CORIN: variants seen among roughly 807,000 people sequenced by gnomAD.
CORIN encodes the protein atrial natriuretic peptide-converting enzyme.
In CORIN, 117 loss-of-function variants were observed where a neutral mutation model predicts 125.3. The observed-to-expected ratio is 0.93, with a 90% CI of 0.80 to 1.09. CORIN has a LOEUF of 1.09. Among genes scored for constraint, CORIN ranks in the 50% least tolerant of loss-of-function variants. The probability of loss-of-function intolerance (pLI) is 0.00; values close to 1 mark genes in which losing one functional copy is unlikely to be tolerated. For synonymous variants in CORIN, 450 were observed against 466.4 expected, an observed-to-expected ratio of 0.96 and a Z score of 0.45; for missense variants, 1,253 against 1,306.7, an observed-to-expected ratio of 0.96 and a Z score of 0.63.
intron 15 of CORIN, chr4:47,642,699 G>A: frequency 1.7e-6 from 1 of 584,740 alleles, no homozygotes; most frequent in Middle Eastern, 4.7e-4. Flanking sequence ...GCTGGTAGGA[G>A]ATGTCTTTAA....
intron 1 of CORIN, among the ~76,000 whole-genome samples, chr4:47,822,050 G>T (rs1278939369): frequency 6.7e-6 from 1 of 149,578 alleles, no homozygotes; most frequent in African/African-American, 2.6e-5. Flanking sequence ...ATACTAAATT[G>T]TTCACTACTT....
chr4:47,799,418 G>A (rs1017471855), intron 2 of CORIN, among the ~76,000 whole-genome samples: 1 of 152,008 alleles, frequency 6.6e-6, no homozygotes, highest in Non-Finnish European at 1.5e-5. Context: ...TTTCTCAACA[G>A]CATCTGTTGT....
chr4:47,686,416 GAACT>G (rs1459728930), intron 6 of CORIN, among the ~76,000 whole-genome samples: 1 of 152,024 alleles, frequency 6.6e-6, no homozygotes, highest in Admixed American at 6.6e-5. Context: ...GAAAATATAA[GAACT>G]AAGAAGTCCT....
intron 5 of CORIN, among the ~76,000 whole-genome samples, chr4:47,723,031 C>T (rs944907875): frequency 6.6e-6 from 1 of 152,170 alleles, no homozygotes; most frequent in Non-Finnish European, 1.5e-5. Flanking sequence ...CTTGGTCAGA[C>T]GAATAAGCAG....
rs200418660 is a variant in CORIN, at chr4:47,600,279, T to C, written c.2881A>G (p.Met961Val). ...ATCATCCGAGTGGTGATGGTCTTCA[T>C]GTCAAAGTAGGACTGACAATGTTCC... ...SLEHCQSYFD[M>V]KTITTRMICA... is the part of the protein sequence containing the mutation. Residue 961 changes from methionine to valine, a missense_variant, in exon 21 of 22, where the codon ATG (methionine) becomes GTG (valine). Coordinates refer to ENST00000273857, the MANE Select transcript of CORIN (RefSeq NM_006587.4). The C allele has an allele frequency of 9.3e-6, 15 of 1,613,920 alleles. No individual in the cohort carries two copies. The East Asian group carries it at 2.7e-4, about 29-fold the overall frequency.
At chr4:47,807,653 G>T (rs908597012) in intron 1 of CORIN, among the ~76,000 whole-genome samples, 1 of 152,196 alleles carries the variant, frequency 6.6e-6, no homozygotes, top group Non-Finnish European at 1.5e-5. Context: ...ATCCTCGGCT[G>T]CCCATGCTAC....
Position 47,645,118 on chromosome 4 carries a change from G to T in CORIN, c.1920C>A (p.Phe640Leu). The change falls in exon 14 of 22, where the codon TTC becomes TTA. Residue 640 changes from phenylalanine (F) to leucine (L), a missense_variant. By Grantham distance (22) the Phe-to-Leu change is conservative. Coordinates refer to ENST00000273857, the MANE Select transcript of CORIN (RefSeq NM_006587.4). ...CLKHTVICDGFPDCPDYMDEK... is the reference protein window; with the variant it reads ...CLKHTVICDGLPDCPDYMDEK... ...CGTCCATGTAATCAGGGCAGTCTGG[G>T]AACCCATCGCAGATCACTGTGTGCT... 6.2e-7 allele frequency: 1 copy of T among 1,612,674 alleles called. No homozygotes were observed. The highest frequency in any genetic ancestry group is 8.5e-7 in the Non-Finnish European group (1 of 1,179,196).
intron 4 of CORIN, among the ~76,000 whole-genome samples, chr4:47,750,021 C>G (rs1728830076): frequency 6.6e-6 from 1 of 152,210 alleles, no homozygotes; most frequent in Non-Finnish European, 1.5e-5. Context: ...AAATATCTTG[C>G]CTATCTGACC....
intron 13 of CORIN, among the ~76,000 whole-genome samples, chr4:47,648,981 G>A (rs1192267600): frequency 6.6e-6 from 1 of 152,190 alleles, no homozygotes; most frequent in Non-Finnish European, 1.5e-5. Context: ...GCTGCAAAGG[G>A]CTCTGCCTCT....
chr4:47,687,396 G>A (rs561741443), intron 6 of CORIN, among the ~76,000 whole-genome samples: 5 of 152,284 alleles, frequency 3.3e-5, no homozygotes, highest in South Asian at 2.1e-4. Flanking sequence ...TGCTTGCTGT[G>A]ATTTTCTTGC....
intron 1 of CORIN, among the ~76,000 whole-genome samples, chr4:47,829,682 T>C (rs893494618): frequency 2.6e-5 from 4 of 152,122 alleles, no homozygotes; most frequent in African/African-American, 9.7e-5. Context: ...ACCCAGTTGG[T>C]GTCAGAGAGT....
At chr4:47,814,955 A>G (rs1732203251) in intron 1 of CORIN, among the ~76,000 whole-genome samples, 1 of 152,168 alleles carries the variant, frequency 6.6e-6, no homozygotes, top group Non-Finnish European at 1.5e-5. Context: ...GAGACTAAAT[A>G]CCAACAAAAT....
intron 4 of CORIN, among the ~76,000 whole-genome samples, chr4:47,754,863 A>G (rs1219344008): frequency 6.6e-6 from 1 of 152,200 alleles, no homozygotes; most frequent in African/African-American, 2.4e-5. Flanking sequence ...GCTACTGGAT[A>G]TGATCCATCA....
chr4:47,678,146 G>T (rs938260189), intron 8 of CORIN, 92 bp from the exon 9 acceptor site: 6 of 874,626 alleles, frequency 6.9e-6, no homozygotes, highest in Non-Finnish European at 9.7e-6. Flanking sequence ...ATCAAGCATC[G>T]CTAAGAAACA....
At position 47,693,070 on chromosome 4, in the gene CORIN, C is replaced by T. The variant is rs764513819; in HGVS notation, c.813G>A (p.Arg271=). The change falls in exon 6 of 22, where the codon AGG becomes AGA. Residue 271 remains arginine, a synonymous_variant. Coordinates refer to ENST00000273857, the MANE Select transcript of CORIN (RefSeq NM_006587.4). ...CACTGGCACACAGAAAGTTCTCACC[C>T]CTTCCACAGAGCACTAAAAAAAAAG... ...QENGKQLLCG[R]GENFLCASGI... The T allele has an allele frequency of 6.2e-7, 1 of 1,612,022 alleles. No homozygotes were observed. Among genetic ancestry groups the T allele is most frequent in the East Asian group, 2.2e-5 (1 of 44,868 alleles).
chr4:47,780,604 T>G (rs1291836759), intron 3 of CORIN, among the ~76,000 whole-genome samples: 1 of 152,162 alleles, frequency 6.6e-6, no homozygotes, highest in Admixed American at 6.5e-5. Flanking sequence ...AAAGTTAATT[T>G]TTTTTTACTA....
chr4:47,710,458 T>C (rs1726784336), intron 5 of CORIN, among the ~76,000 whole-genome samples: 1 of 152,256 alleles, frequency 6.6e-6, no homozygotes, highest in Admixed American at 6.5e-5. Context: ...ACTAATAACG[T>C]CTACTTCCTG....
chr4:47,712,851 A>G (rs73142083), intron 5 of CORIN, among the ~76,000 whole-genome samples: 54 of 152,340 alleles, frequency 3.5e-4, no homozygotes, highest in African/African-American at 1.2e-3. Flanking sequence ...TGCATCAGAA[A>G]GAAGAAACCA....
At chr4:47,667,055 A>G (rs1376186268) in intron 10 of CORIN, among the ~76,000 whole-genome samples, 1 of 152,210 alleles carries the variant, frequency 6.6e-6, no homozygotes, top group African/African-American at 2.4e-5. Flanking sequence ...GAGATCACTG[A>G]TAATGGGGCA....
Sources: allele counts gnomAD v4.1 joint callset (sites outside exome capture counted in the v4.1 genomes callset), GRCh38; gene constraint gnomAD v4.1.1; transcripts MANE v1.5; gene names NCBI Gene and HGNC (gene_info 2026-07-23, HGNC 2026-07-21).